Variants in BRAF observed in about 807,000 individuals in gnomAD.
BRAF encodes the protein serine/threonine-protein kinase B-raf.
In BRAF, 16 loss-of-function variants were observed where a neutral mutation model predicts 104.6. That is an observed-to-expected ratio of 0.15 (90% CI 0.10 to 0.23). BRAF has a LOEUF of 0.23. BRAF is among the 10% of genes least tolerant of loss of function. BRAF has a pLI of 1.00. For synonymous variants in BRAF, 310 were observed against 341.6 expected, an observed-to-expected ratio of 0.91 and a Z score of 1.02; for missense variants, 541 against 937.3, an observed-to-expected ratio of 0.58 and a Z score of 5.52.
chr7:140,724,088 C>T lies in BRAF; in HGVS notation c.*2406G>A. 9.5e-7 allele frequency: 1 copy of T among 1,048,908 alleles called. No homozygotes were observed. The highest frequency in any genetic ancestry group is 1.2e-6 in the Non-Finnish European group (1 of 869,004). The allele number at this position is 1,048,908 out of a possible 1,614,324, so 65.0% of individuals were successfully genotyped here. On this transcript the variant is annotated 3_prime_UTR_variant, in exon 20 of 20. Coordinates refer to ENST00000644969, the MANE Select transcript of BRAF (RefSeq NM_001374258.1). Reference sequence around the variant, plus strand: ...GCTTCATTTGAGATCAAGTCTGCTCCCCCGTTCAAATGAGATACCAGCCTA... The same window carrying T: ...GCTTCATTTGAGATCAAGTCTGCTCTCCCGTTCAAATGAGATACCAGCCTA...
intron 1 of BRAF, among the ~76,000 whole-genome samples, chr7:140,882,742 C>T (rs1813080659): frequency 6.6e-6 from 1 of 151,608 alleles, no homozygotes; most frequent in African/African-American, 2.4e-5. Flanking sequence ...CTTGTAATGC[C>T]AGCACTTTGG....
At chr7:140,909,523 T>C (rs949389882) in intron 1 of BRAF, among the ~76,000 whole-genome samples, 1 of 152,190 alleles carries the variant, frequency 6.6e-6, no homozygotes, top group Non-Finnish European at 1.5e-5. Context: ...GATGGTACTT[T>C]GTACATATAT....
chr7:140,790,795 T>C (rs918065730), intron 8 of BRAF, among the ~76,000 whole-genome samples: 2 of 152,218 alleles, frequency 1.3e-5, no homozygotes, highest in African/African-American at 4.8e-5. Flanking sequence ...AATATACTAA[T>C]GTCTCTTACA....
chr7:140,859,008 G>A (rs962387373), intron 1 of BRAF, among the ~76,000 whole-genome samples: 1 of 151,774 alleles, frequency 6.6e-6, no homozygotes, highest in African/African-American at 2.4e-5. Context: ...ATAAAATCAA[G>A]GACATAAAAT....
At position 140,721,712 on chromosome 7, in the gene BRAF, A is replaced by C; in HGVS notation, c.*4782T>G. ...GTATAACATTTCAAGGATGTGCTGG[A>C]GACAATACATGGACTTTCTCTTTCA... On this transcript the variant is annotated 3_prime_UTR_variant, in exon 20 of 20. Coordinates refer to ENST00000644969, the MANE Select transcript of BRAF (RefSeq NM_001374258.1). 1 of 1,528,054 alleles carries C rather than the reference A, an allele frequency of 6.5e-7. No homozygotes were observed. Among genetic ancestry groups the C allele is most frequent in the Non-Finnish European group, 8.7e-7 (1 of 1,143,696 alleles). 94.7% of individuals were successfully genotyped at this position (1,528,054 alleles called of 1,614,324 possible). A position where few individuals can be genotyped will look rare whatever the true frequency, so the allele number is the denominator to read the frequency against.
chr7:140,874,349 G>A (rs527981971), intron 1 of BRAF, among the ~76,000 whole-genome samples: 143 of 151,418 alleles, frequency 9.4e-4, no homozygotes, highest in African/African-American at 3.1e-3. Flanking sequence ...TTACAGGCAC[G>A]CGCCACCATG....
At chr7:140,830,792 TAAAGA>T (rs1806644783) in intron 3 of BRAF, among the ~76,000 whole-genome samples, 1 of 152,236 alleles carries the variant, frequency 6.6e-6, no homozygotes, top group South Asian at 2.1e-4. Flanking sequence ...GTGATGCTCC[TAAAGA>T]GAGCACAGAA....
Position 140,924,422 on chromosome 7 carries a change from C to T in BRAF, c.138+144G>A. ...TGCATGACGGAGAGGGACACGGGGG[C>T]GATGCCCACCTCCCAGCCCGCGGAG... On this transcript the variant is annotated intron_variant, in intron 1 of 19. Transcript: ENST00000644969. The surrounding 1 kb of genome is among the most constrained non-coding windows in gnomAD (Gnocchi z 4.2). 1.6e-6 allele frequency: 2 copies of T among 1,220,110 alleles called. No homozygotes were observed. Among genetic ancestry groups the T allele is most frequent in the Middle Eastern group, 2.6e-4 (1 of 3,780 alleles). The allele number at this position is 1,220,110 out of a possible 1,614,324, so 75.6% of individuals were successfully genotyped here. A position where few individuals can be genotyped will look rare whatever the true frequency, so the allele number is the denominator to read the frequency against.
Position 140,906,074 on chromosome 7 carries a change from C to T in BRAF, c.138+18492G>A, listed in dbSNP as rs1467567939. ...CTGCACTCCAGCCTGGGCAACAGAG[C>T]GAGACTCCGTCTCAAAAAAAAAAAA... On this transcript the variant is annotated intron_variant, in intron 1 of 19. Transcript: ENST00000644969. Among the ~76,000 whole-genome samples, 42 of 94,712 alleles carry T rather than the reference C, an allele frequency of 4.4e-4. No individual in the cohort carries two copies. In the East Asian group the frequency reaches 7.7e-3, roughly 17 times the overall value. The allele number at this position is 94,712 out of a possible 152,430, so 62.1% of individuals were successfully genotyped here.
At chr7:140,809,488 C>T (rs1274739928) in intron 3 of BRAF, among the ~76,000 whole-genome samples, 1 of 152,064 alleles carries the variant, frequency 6.6e-6, no homozygotes, top group East Asian at 1.9e-4. Context: ...TGTTTGGTGC[C>T]CCTGTTTCCT....
intron 1 of BRAF, among the ~76,000 whole-genome samples, chr7:140,887,699 T>C (rs1053733788): frequency 3.9e-5 from 6 of 152,102 alleles, no homozygotes; most frequent in African/African-American, 1.4e-4. Context: ...TCTAGAAACT[T>C]AGAAAAAGTC....
At chr7:140,736,982 T>A (rs1260708595) in intron 18 of BRAF, among the ~76,000 whole-genome samples, 1 of 151,848 alleles carries the variant, frequency 6.6e-6, no homozygotes, top group Non-Finnish European at 1.5e-5. Context: ...CCCAGGAGTT[T>A]GAGGCTGCAG....
intron 14 of BRAF, among the ~76,000 whole-genome samples, chr7:140,761,507 CATA>C (rs1798730651): frequency 1.3e-5 from 2 of 151,740 alleles, no homozygotes; most frequent in African/African-American, 4.8e-5. Flanking sequence ...CAGCTAATAT[CATA>C]ATGACAGGAT....
At chr7:140,747,389 C>T (rs919417660) in intron 17 of BRAF, 2 of 1,283,608 alleles carry the variant, frequency 1.6e-6, no homozygotes, top group Non-Finnish European at 2.0e-6. Flanking sequence ...ACACATTCCT[C>T]TCATGGAGAG....
At chr7:140,845,915 G>A (rs558316999) in intron 2 of BRAF, among the ~76,000 whole-genome samples, 30 of 152,214 alleles carry the variant, frequency 2.0e-4, no homozygotes, top group Admixed American at 9.8e-4. Context: ...TCCTGACCTC[G>A]TGATCCGCCC....
Position 140,726,322 on chromosome 7 carries a change from A to G in BRAF, c.*172T>C. 1 of 1,431,486 alleles carries G rather than the reference A, an allele frequency of 7.0e-7. No individual in the cohort carries two copies. The highest frequency in any genetic ancestry group is 9.1e-7 in the Non-Finnish European group (1 of 1,100,608). The allele number at this position is 1,431,486 out of a possible 1,614,324, so 88.7% of individuals were successfully genotyped here. ...AGCAGAGAATTCTGGTTCCTAAAAC[A>G]TTCTTTCCTCTTTTGTTGGATGGGA... On this transcript the variant is annotated 3_prime_UTR_variant, in exon 20 of 20. Transcript: ENST00000644969.
chr7:140,750,761 T>C (rs1050067771), intron 16 of BRAF, among the ~76,000 whole-genome samples: 1 of 151,710 alleles, frequency 6.6e-6, no homozygotes, highest in African/African-American at 2.4e-5. Context: ...CCAATTTTTG[T>C]GAGAGATGGA....
intron 1 of BRAF, among the ~76,000 whole-genome samples, chr7:140,876,989 T>C (rs1378809465): frequency 6.6e-6 from 1 of 151,810 alleles, no homozygotes; most frequent in African/African-American, 2.4e-5. Flanking sequence ...AATAGGAAAA[T>C]CTCCAAACAC....
At chr7:140,793,280 T>C (rs945779055) in intron 8 of BRAF, among the ~76,000 whole-genome samples, 1 of 152,320 alleles carries the variant, frequency 6.6e-6, no homozygotes, top group Middle Eastern at 3.4e-3. Flanking sequence ...AACCCTAACC[T>C]GGACATATGG....
Sources: gnomAD v4.1 joint callset for allele counts (sites outside exome capture counted in the v4.1 genomes callset) on GRCh38, gnomAD v4.1.1 for gene constraint, Gnocchi (gnomAD v3.1) non-coding constraint, MANE v1.5 for transcripts, NCBI Gene and HGNC (gene_info 2026-07-23, HGNC 2026-07-21) for gene names.